Variants in NSMCE2 observed in about 807,000 individuals in gnomAD.
NSMCE2 encodes the protein E3 SUMO-protein ligase NSE2.
In NSMCE2, 24 loss-of-function variants were observed where a neutral mutation model predicts 23.8. The observed-to-expected ratio is 1.01, with a 90% CI of 0.73 to 1.42. The LOEUF (loss-of-function observed/expected upper bound fraction) is 1.42, where lower values mean the gene tolerates loss of function less well. Among genes scored for constraint, NSMCE2 ranks in the 40% most tolerant of loss-of-function variants. The pLI, the probability that NSMCE2 is intolerant of heterozygous loss-of-function variation, is 0.00. For synonymous variants in NSMCE2, 92 were observed against 94.1 expected, an observed-to-expected ratio of 0.98 and a Z score of 0.13; for missense variants, 284 against 296.5, an observed-to-expected ratio of 0.96 and a Z score of 0.31.
chr8:125,221,522 G>T (rs1351289805), intron 5 of NSMCE2, among the ~76,000 whole-genome samples: 1 of 152,216 alleles, frequency 6.6e-6, no homozygotes, highest in Non-Finnish European at 1.5e-5. Flanking sequence ...GGGATTACAG[G>T]CATGAGCCAC....
In NSMCE2 at chr8:125,178,045, C is replaced by T. The variant is rs556961251; in HGVS notation, c.265-4058C>T. On this transcript the variant is annotated intron_variant, in intron 4 of 7. Transcript: ENST00000287437. ...GGTGATTCTGCTTCTAAAACAGCAT[C>T]CCAGTTGCCAGCCCCTCTGCCATTA... is the stretch of plus-strand genomic sequence containing the variant. 2.0e-5 allele frequency among the ~76,000 whole-genome samples: 3 copies of T among 152,326 alleles called. No individual in the cohort carries two copies. In the South Asian group the frequency reaches 6.2e-4, roughly 32 times the overall value.
chr8:125,176,187 C>T (rs1225073261), intron 4 of NSMCE2, among the ~76,000 whole-genome samples: 9 of 152,142 alleles, frequency 5.9e-5, no homozygotes, highest in Non-Finnish European at 4.4e-5. Context: ...TTTCTTTTTG[C>T]AGCAATTTAT....
At chr8:125,114,342 G>A (rs1033394528) in intron 3 of NSMCE2, among the ~76,000 whole-genome samples, 1 of 152,078 alleles carries the variant, frequency 6.6e-6, no homozygotes, top group African/African-American at 2.4e-5. Context: ...TTGCCTATAG[G>A]TACATGATAC....
chr8:125,283,887 C>G (rs947596272), intron 5 of NSMCE2, among the ~76,000 whole-genome samples: 9 of 152,166 alleles, frequency 5.9e-5, no homozygotes, highest in African/African-American at 2.2e-4. Flanking sequence ...GGCGCAGTGG[C>G]TCACGCCTGT....
At chr8:125,276,738 A>C (rs1334653274) in intron 5 of NSMCE2, among the ~76,000 whole-genome samples, 1 of 152,220 alleles carries the variant, frequency 6.6e-6, no homozygotes, top group Admixed American at 6.5e-5. Context: ...TCATCCTAAT[A>C]ACCCAATGAA....
chr8:125,296,723 T>TA, intron 5 of NSMCE2, among the ~76,000 whole-genome samples: 1 of 152,138 alleles, frequency 6.6e-6, no homozygotes, highest in Admixed American at 6.5e-5. Flanking sequence ...AGAAAGCTTT[T>TA]AACATTTCCT....
At chr8:125,296,685 C>T (rs896404563) in intron 5 of NSMCE2, among the ~76,000 whole-genome samples, 7 of 152,034 alleles carry the variant, frequency 4.6e-5, no homozygotes, top group Non-Finnish European at 4.4e-5. Context: ...TGTGAGTCAC[C>T]GCACCCGGCC....
intron 3 of NSMCE2, among the ~76,000 whole-genome samples, chr8:125,141,334 C>T (rs1820365162): frequency 1.3e-5 from 2 of 152,136 alleles, no homozygotes; most frequent in South Asian, 2.1e-4. Flanking sequence ...ACAGATTATT[C>T]ATTACTCCCT....
At chr8:125,259,090 C>T (rs977948020) in intron 5 of NSMCE2, among the ~76,000 whole-genome samples, 9 of 152,106 alleles carry the variant, frequency 5.9e-5, no homozygotes, top group South Asian at 2.1e-4. Flanking sequence ...TTAGTAGAGA[C>T]GGGGTTTCTC....
At chr8:125,290,327 GAA>G (rs1828061666) in intron 5 of NSMCE2, among the ~76,000 whole-genome samples, 1 of 152,072 alleles carries the variant, frequency 6.6e-6, no homozygotes, top group Admixed American at 6.6e-5. Flanking sequence ...TTAATAAATA[GAA>G]AAAATTTTAA....
chr8:125,170,828 T>G (rs1257230071), intron 4 of NSMCE2, among the ~76,000 whole-genome samples: 1 of 152,214 alleles, frequency 6.6e-6, no homozygotes, highest in African/African-American at 2.4e-5. Context: ...AGCAGCCTAC[T>G]GACTGCTCTC....
At chr8:125,281,169 A>G (rs77807841) in intron 5 of NSMCE2, among the ~76,000 whole-genome samples, 339 of 152,376 alleles carry the variant, frequency 2.2e-3, no homozygotes, top group African/African-American at 7.7e-3. Flanking sequence ...AGTTATAGCT[A>G]GCTCTTTTCC....
intron 3 of NSMCE2, among the ~76,000 whole-genome samples, chr8:125,150,282 G>T (rs1446947110): frequency 1.3e-5 from 2 of 151,848 alleles, no homozygotes; most frequent in African/African-American, 4.8e-5. Flanking sequence ...GCATTCTGTT[G>T]CCCCACTTCT....
intron 5 of NSMCE2, among the ~76,000 whole-genome samples, chr8:125,310,641 C>G (rs1828942451): frequency 6.6e-6 from 1 of 152,106 alleles, no homozygotes; most frequent in Non-Finnish European, 1.5e-5. Flanking sequence ...ATCCATTCTT[C>G]CGTAATGTTT....
intron 3 of NSMCE2, among the ~76,000 whole-genome samples, chr8:125,108,083 C>G (rs1818555740): frequency 6.6e-6 from 1 of 152,042 alleles, no homozygotes; most frequent in Non-Finnish European, 1.5e-5. Flanking sequence ...ACCCATGGAT[C>G]CCCTGAAAGG....
intron 4 of NSMCE2, among the ~76,000 whole-genome samples, chr8:125,161,215 G>A (rs1482483879): frequency 6.6e-6 from 1 of 151,992 alleles, no homozygotes; most frequent in Non-Finnish European, 1.5e-5. Context: ...GGTAATGGTG[G>A]CACTTTCCTT....
rs575074857 is a variant in NSMCE2, at chr8:125,181,304, G to GC, written c.265-799_265-798insC. ...ATGGGTGTGAAGAGCCTGTGTAAAG[G>GC]TTCTTGAGAAAAGAGCCCGTTGAGA... On this transcript the variant is annotated intron_variant, in intron 4 of 7. Transcript: ENST00000287437. Among the ~76,000 whole-genome samples the GC allele has an allele frequency of 4.6e-4, 70 of 152,208 alleles. No individual in the cohort carries two copies. The South Asian group carries it at 0.014, about 31-fold the overall frequency.
intron 5 of NSMCE2, among the ~76,000 whole-genome samples, chr8:125,195,456 G>A (rs1206206307): frequency 6.6e-6 from 1 of 152,120 alleles, no homozygotes; most frequent in South Asian, 2.1e-4. Context: ...TCTTAGCATA[G>A]TCATAAGCAC....
chr8:125,100,883 C>G (rs1397767264), intron 1 of NSMCE2, among the ~76,000 whole-genome samples: 1 of 152,112 alleles, frequency 6.6e-6, no homozygotes, highest in African/African-American at 2.4e-5. Flanking sequence ...TTTCTAGTGC[C>G]TGGGATAGTG....
Sources: allele counts gnomAD v4.1 joint callset (sites outside exome capture counted in the v4.1 genomes callset), GRCh38; gene constraint gnomAD v4.1.1; transcripts MANE v1.5; gene names NCBI Gene and HGNC (gene_info 2026-07-23, HGNC 2026-07-21).